Variants in CROT observed in about 807,000 individuals in gnomAD.
The protein encoded by CROT is peroxisomal carnitine O-octanoyltransferase.
CROT carries 84 observed loss-of-function variants against 89.2 expected under a neutral mutation model. That is an observed-to-expected ratio of 0.94 (90% CI 0.79 to 1.13). CROT has a LOEUF of 1.13. Among genes scored for constraint, CROT ranks in the 50% most tolerant of loss-of-function variants. The pLI, the probability that CROT is intolerant of heterozygous loss-of-function variation, is 0.00. For synonymous variants in CROT, 212 were observed against 239.5 expected, an observed-to-expected ratio of 0.89 and a Z score of 1.06; for missense variants, 711 against 727.8, an observed-to-expected ratio of 0.98 and a Z score of 0.27.
chr7:87,391,628 TTA>T lies in CROT; in HGVS notation c.1343_1344del (p.Tyr448SerfsTer13). The stretch of plus-strand genomic sequence containing the variant: ...ATGAAACAGCTATGACAAGACATTT[TTA>T]TCATGGCCGTACAGAGACTATGCGA... ...CYETAMTRHF[Y>X]HGRTETMRSC... is the part of the protein sequence containing the mutation. On this transcript the variant is annotated frameshift_variant, in exon 14 of 18. Transcript: ENST00000331536. LOFTEE classifies it high-confidence loss of function. The T allele has an allele frequency of 6.2e-7, 1 of 1,608,052 alleles. No homozygotes were observed. The highest frequency in any genetic ancestry group is 8.5e-7 in the Non-Finnish European group (1 of 1,178,322).
intron 4 of CROT, chr7:87,359,568 GC>G (rs1390293009): frequency 3.2e-6 from 4 of 1,250,002 alleles, no homozygotes; most frequent in Non-Finnish European, 4.0e-6. Flanking sequence ...CTGGAATGAG[GC>G]CCAGAGATTC....
intron 3 of CROT, among the ~76,000 whole-genome samples, chr7:87,350,881 C>T (rs117485091): frequency 0.015 from 2,261 of 152,162 alleles, 26 homozygotes; most frequent in South Asian, 0.025. Flanking sequence ...ATCAACTAAG[C>T]CCATCAAAAA....
chr7:87,373,794 A>C (rs1806717957), intron 7 of CROT, among the ~76,000 whole-genome samples: 1 of 152,122 alleles, frequency 6.6e-6, no homozygotes, highest in South Asian at 2.1e-4. Context: ...CCAGTGACAG[A>C]AATTTGGGAA....
At chr7:87,347,463 A>G (rs1805720916) in intron 2 of CROT, among the ~76,000 whole-genome samples, 1 of 152,260 alleles carries the variant, frequency 6.6e-6, no homozygotes, top group Admixed American at 6.5e-5. Context: ...ACATGGCTAG[A>G]AAGTGGCAGA....
intron 13 of CROT, among the ~76,000 whole-genome samples, chr7:87,388,310 A>G (rs1444851951): frequency 2.6e-5 from 4 of 152,222 alleles, no homozygotes. Flanking sequence ...AAGAGCCTGT[A>G]TAGCCAAAAC....
chr7:87,391,125 C>A (rs1401904401), intron 13 of CROT, among the ~76,000 whole-genome samples: 1 of 152,226 alleles, frequency 6.6e-6, no homozygotes, highest in African/African-American at 2.4e-5. Flanking sequence ...TTTTCTGCCG[C>A]TAGGGCCTCT....
chr7:87,345,960 C>T (rs1464359315), intron 1 of CROT, among the ~76,000 whole-genome samples, 193 bp downstream of exon 1: 2 of 152,190 alleles, frequency 1.3e-5, no homozygotes, highest in African/African-American at 4.8e-5. Context: ...GCTTAGATTT[C>T]TCTCACTTGA....
chr7:87,389,258 C>T (rs574586540), intron 13 of CROT, among the ~76,000 whole-genome samples: 29 of 152,206 alleles, frequency 1.9e-4, no homozygotes, highest in Admixed American at 4.6e-4. Flanking sequence ...TTTGATCCAG[C>T]GATCCCATTG....
At chr7:87,362,598 G>T (rs1806318176) in intron 6 of CROT, among the ~76,000 whole-genome samples, 1 of 152,008 alleles carries the variant, frequency 6.6e-6, no homozygotes, top group Admixed American at 6.6e-5. Flanking sequence ...GCCCGGCTTG[G>T]AGTCACTCTT....
intron 7 of CROT, 138 bp downstream of exon 7, chr7:87,369,622 CTA>C (rs1230934974): frequency 6.2e-4 from 135 of 217,870 alleles, no homozygotes; most frequent in Non-Finnish European, 8.5e-4. Flanking sequence ...AAAAAAAAAT[CTA>C]TTTGTATTTT....
chr7:87,399,595 A>G lies in CROT; in HGVS notation c.*951A>G, dbSNP rs1562943315. The G allele has an allele frequency of 6.6e-6, 1 of 152,252 alleles. No individual in the cohort carries two copies. The highest frequency in any genetic ancestry group is 2.4e-5 in the African/African-American group (1 of 41,474). The allele number at this position is 152,252 out of a possible 1,614,324, so 9.4% of individuals were successfully genotyped here. A position where few individuals can be genotyped will look rare whatever the true frequency, so the allele number is the denominator to read the frequency against. ...GTAACAAAATTCATTGTGGTGTATT[A>G]TAATTAGTTTTGTGAATAGAAAAAT... On this transcript the variant is annotated 3_prime_UTR_variant, in exon 18 of 18. Transcript: ENST00000331536.
intron 6 of CROT, among the ~76,000 whole-genome samples, chr7:87,369,058 TCTC>T (rs1806539929): frequency 1.3e-5 from 2 of 152,294 alleles, no homozygotes; most frequent in Admixed American, 1.3e-4. Flanking sequence ...ATTCCACTGG[TCTC>T]CTTCTCCCCT....
chr7:87,372,008 A>C (rs111865711), intron 7 of CROT, among the ~76,000 whole-genome samples: 11,146 of 41,790 alleles, frequency 0.27, 378 homozygotes, highest in Non-Finnish European at 0.39. Context: ...AAAAAAAAAC[A>C]AAAAAAAAAA....
intron 14 of CROT, among the ~76,000 whole-genome samples, chr7:87,392,064 A>T (rs555991849): frequency 6.6e-6 from 1 of 152,330 alleles, no homozygotes; most frequent in East Asian, 1.9e-4. Context: ...TGTTTTTGAA[A>T]TGACAGATTC....
At chr7:87,392,517 T>C (rs1242945505) in intron 14 of CROT, 49 bp from the exon 15 acceptor site, 1 of 1,433,292 alleles carries the variant, frequency 7.0e-7, no homozygotes, top group Non-Finnish European at 9.7e-7. Flanking sequence ...TTTTTCTAGT[T>C]GGGTTTTGCA....
chr7:87,359,206 T>C lies in CROT; in HGVS notation c.116T>C (p.Val39Ala), dbSNP rs1584624463. The stretch of plus-strand genomic sequence containing the variant: ...CTTAATACGTATTTTTCCTTTCTAG[T>C]GAAACCATTTGCAAATCAAGAAGAA... ...EESLKKYLES[V>A]KPFANQEEYK... The change falls in exon 4 of 18, where the codon GTG (valine) becomes GCG (alanine). Residue 39 changes from valine (V) to alanine (A), a missense_variant and splice_region_variant. By Grantham distance (64) the Val-to-Ala change is moderately conservative (BLOSUM62 0). Coordinates refer to ENST00000331536, the MANE Select transcript of CROT (RefSeq NM_021151.4). 6.4e-7 allele frequency: 1 copy of C among 1,566,212 alleles called. No individual in the cohort carries two copies. The highest frequency in any genetic ancestry group is 8.8e-7 in the Non-Finnish European group (1 of 1,141,144).
chr7:87,372,178 GT>G (rs1806664720), intron 7 of CROT, among the ~76,000 whole-genome samples: 1 of 151,874 alleles, frequency 6.6e-6, no homozygotes, highest in African/African-American at 2.4e-5. Flanking sequence ...CTATTTTTCT[GT>G]TGGCTATTTT....
chr7:87,361,903 A>G (rs553153020), intron 6 of CROT, 51 bp downstream of exon 6: 2 of 1,513,530 alleles, frequency 1.3e-6, no homozygotes, highest in African/African-American at 2.8e-5. Flanking sequence ...GAATTTGGGT[A>G]GCCTACTATG....
intron 17 of CROT, among the ~76,000 whole-genome samples, chr7:87,395,919 ACAT>A (rs1248288618): frequency 6.6e-6 from 1 of 152,192 alleles, no homozygotes; most frequent in Non-Finnish European, 1.5e-5. Flanking sequence ...ATGGAAGAGA[ACAT>A]CATGAAAGTC....
Sources: gnomAD v4.1 joint callset for allele counts (sites outside exome capture counted in the v4.1 genomes callset) on GRCh38, gnomAD v4.1.1 for gene constraint, MANE v1.5 for transcripts, NCBI Gene and HGNC (gene_info 2026-07-23, HGNC 2026-07-21) for gene names.